Variants in HDAC9 observed in about 807,000 individuals in gnomAD.
HDAC9 encodes the protein histone deacetylase 9.
Under a neutral mutation model 139.4 loss-of-function variants are expected in HDAC9, and 41 were observed. That is an observed-to-expected ratio of 0.29 (90% CI 0.23 to 0.38). The LOEUF (loss-of-function observed/expected upper bound fraction) is 0.38, where lower values mean the gene tolerates loss of function less well. Among genes scored for constraint, HDAC9 ranks in the 10% least tolerant of loss-of-function variants. The probability of loss-of-function intolerance (pLI) is 1.00; values close to 1 mark genes in which losing one functional copy is unlikely to be tolerated. For synonymous variants in HDAC9, 517 were observed against 476.2 expected (o/e 1.09, Z -1.12); for missense variants, 1,147 against 1,297.0 (o/e 0.88, Z 1.78).
At chr7:18,533,124 CT>C (rs1277231846) in intron 2 of HDAC9, among the ~76,000 whole-genome samples, 1 of 152,182 alleles carries the variant, frequency 6.6e-6, no homozygotes, top group African/African-American at 2.4e-5. Context: ...TCAACTTAGG[CT>C]TTTTTCTGAA....
intron 22 of HDAC9, among the ~76,000 whole-genome samples, chr7:18,934,237 C>G (rs1353889448): frequency 2.0e-5 from 3 of 151,450 alleles, no homozygotes; most frequent in Non-Finnish European, 2.9e-5. Context: ...AACACAAGAC[C>G]CTAATGGTTT....
At chr7:18,648,351 T>G in intron 10 of HDAC9, 115 bp from the exon 11 acceptor site, 1 of 857,746 alleles carries the variant, frequency 1.2e-6, no homozygotes, top group East Asian at 2.6e-5. Flanking sequence ...TCTTACAGTT[T>G]ATACCATGTA....
intron 1 of HDAC9, among the ~76,000 whole-genome samples, chr7:18,408,560 T>C (rs902953688): frequency 6.6e-6 from 1 of 152,194 alleles, no homozygotes; most frequent in Admixed American, 6.5e-5. Flanking sequence ...TTTCTTAATA[T>C]GGCAGTAATT....
At chr7:18,088,638 CCTT>C (rs1183060359) in intron 1 of HDAC9, among the ~76,000 whole-genome samples, 1 of 152,096 alleles carries the variant, frequency 6.6e-6, no homozygotes, top group Admixed American at 6.5e-5. Flanking sequence ...TATCTTTTGA[CCTT>C]CTTTTTCGTA....
intron 2 of HDAC9, among the ~76,000 whole-genome samples, chr7:18,505,674 C>T (rs1481656242): frequency 2.0e-5 from 3 of 152,162 alleles, no homozygotes; most frequent in African/African-American, 4.8e-5. Flanking sequence ...ACCTACTAAT[C>T]CAATTATGCA....
At chr7:18,735,630 T>C (rs1445040857) in intron 13 of HDAC9, among the ~76,000 whole-genome samples, 2 of 152,212 alleles carry the variant, frequency 1.3e-5, no homozygotes, top group Non-Finnish European at 2.9e-5. Context: ...CTGTTTTTGT[T>C]ACTGTTGCCT....
chr7:18,991,121 C>G (rs1272592157), intron 25 of HDAC9, among the ~76,000 whole-genome samples: 1 of 152,170 alleles, frequency 6.6e-6, no homozygotes, highest in African/African-American at 2.4e-5. Flanking sequence ...TTTAAATTAT[C>G]ATACTTGTAA....
At chr7:18,303,805 T>G (rs1023213987) in intron 1 of HDAC9, among the ~76,000 whole-genome samples, 13 of 152,186 alleles carry the variant, frequency 8.5e-5, no homozygotes, top group Non-Finnish European at 1.3e-4. Context: ...TTAGTTAGGC[T>G]CCATGTTCCT....
At chr7:18,143,956 C>T (rs573430378) in intron 1 of HDAC9, among the ~76,000 whole-genome samples, 80 of 152,186 alleles carry the variant, frequency 5.3e-4, no homozygotes, top group Admixed American at 1.3e-3. Context: ...ACATGGATCA[C>T]CTGGTAGTGT....
intron 2 of HDAC9, among the ~76,000 whole-genome samples, chr7:18,243,732 G>A (rs535864574): frequency 6.6e-6 from 1 of 152,284 alleles, no homozygotes; most frequent in African/African-American, 2.4e-5. Context: ...AAATGTCTGT[G>A]TAACACAGTG....
chr7:18,401,883 AAC>A (rs1271352874), intron 1 of HDAC9, among the ~76,000 whole-genome samples: 1 of 152,200 alleles, frequency 6.6e-6, no homozygotes, highest in African/African-American at 2.4e-5. Flanking sequence ...CATTCTGAGA[AAC>A]ACAATTCGAA....
At chr7:18,262,377 A>T (rs891514794) in intron 2 of HDAC9, among the ~76,000 whole-genome samples, 1 of 152,226 alleles carries the variant, frequency 6.6e-6, no homozygotes. Context: ...CAAAAGTTCT[A>T]TCTGTAGAAA....
chr7:18,752,745 A>G (rs1788555782), intron 14 of HDAC9, among the ~76,000 whole-genome samples: 1 of 152,180 alleles, frequency 6.6e-6, no homozygotes, highest in Non-Finnish European at 1.5e-5. Flanking sequence ...AATATAATGC[A>G]TACAAGCCAG....
At chr7:18,993,677 C>A (rs1206130174) in intron 25 of HDAC9, among the ~76,000 whole-genome samples, 4 of 152,004 alleles carry the variant, frequency 2.6e-5, no homozygotes. Context: ...GTGGCACATG[C>A]CTGTAGTCTC....
intron 14 of HDAC9, among the ~76,000 whole-genome samples, chr7:18,749,757 C>T (rs1295739930): frequency 1.3e-5 from 2 of 152,100 alleles, no homozygotes; most frequent in African/African-American, 4.8e-5. Context: ...TTCAGAAAGG[C>T]TCCCATCATC....
chr7:18,139,062 T>C, intron 1 of HDAC9, among the ~76,000 whole-genome samples: 1 of 152,038 alleles, frequency 6.6e-6, no homozygotes, highest in Admixed American at 6.5e-5. Context: ...GAAAGTATGC[T>C]TAAGAATATT....
At chr7:18,577,095 CT>C (rs1826211682) in intron 2 of HDAC9, among the ~76,000 whole-genome samples, 1 of 152,102 alleles carries the variant, frequency 6.6e-6, no homozygotes, top group African/African-American at 2.4e-5. Flanking sequence ...ATAAGGGAAA[CT>C]TTTTTTAGTC....
chr7:18,168,924 T>C (rs946474973), intron 2 of HDAC9, among the ~76,000 whole-genome samples: 2 of 136,190 alleles, frequency 1.5e-5, no homozygotes, highest in African/African-American at 2.9e-5. Flanking sequence ...TGTGTGTGTG[T>C]GTGCGCGCAT....
chr7:18,660,752 C>G (rs73069011), intron 11 of HDAC9, among the ~76,000 whole-genome samples: 20,306 of 152,104 alleles, frequency 0.13, 1,910 homozygotes, highest in East Asian at 0.37. Flanking sequence ...GGCGTAGACT[C>G]AGGCCTTGTG....
Sources: gnomAD v4.1 joint callset for allele counts (sites outside exome capture counted in the v4.1 genomes callset) on GRCh38, gnomAD v4.1.1 for gene constraint, MANE v1.5 for transcripts, NCBI Gene and HGNC (gene_info 2026-07-23, HGNC 2026-07-21) for gene names.